RUNX1T1: variants seen among roughly 807,000 people sequenced by gnomAD.
RUNX1T1 encodes the protein RUNX1 partner transcriptional co-repressor 1, also known as protein CBFA2T1.
RUNX1T1 carries 4 observed loss-of-function variants against 62.8 expected under a neutral mutation model. The ratio of observed to expected loss-of-function variants is 0.06; its 90% confidence interval spans 0.03 to 0.15. The LOEUF is 0.15. RUNX1T1 is among the 10% of genes least tolerant of loss of function. The pLI, the probability that RUNX1T1 is intolerant of heterozygous loss-of-function variation, is 1.00. For synonymous variants in RUNX1T1, 291 were observed against 286.0 expected (o/e 1.02, Z -0.18); for missense variants, 508 against 754.3 (o/e 0.67, Z 3.82).
intron 1 of RUNX1T1, among the ~76,000 whole-genome samples, chr8:92,041,843 T>C (rs1184305411): frequency 3.3e-5 from 5 of 150,124 alleles, no homozygotes; most frequent in Non-Finnish European, 5.9e-5. Context: ...TTAATTGAGA[T>C]AGTCTCTCTC....
chr8:91,966,362 A>G (rs1811618814), intron 10 of RUNX1T1, among the ~76,000 whole-genome samples: 1 of 152,064 alleles, frequency 6.6e-6, no homozygotes, highest in South Asian at 2.1e-4. Flanking sequence ...TGAGGTTGGT[A>G]TAACTGTGCA....
At chr8:92,062,819 G>A in exon 1 of RUNX1T1, 1 of 1,444,758 alleles carries the variant, frequency 6.9e-7, no homozygotes, top group Non-Finnish European at 9.1e-7. Context: ...GTCTCTTTAG[G>A]CAGAACAATG....
chr8:91,959,220 G>C (rs1291445091), exon 11 of RUNX1T1: 2 of 218,012 alleles, frequency 9.2e-6, no homozygotes, highest in Non-Finnish European at 1.9e-5. Context: ...AAAAATTTTG[G>C]AAAGGGGCTG....
chr8:92,076,579 T>C (rs1834457246), intron 1 of RUNX1T1, among the ~76,000 whole-genome samples: 1 of 152,128 alleles, frequency 6.6e-6, no homozygotes, highest in Non-Finnish European at 1.5e-5. Flanking sequence ...AAGTGGTTTG[T>C]TTCATTATTC....
At chr8:92,054,147 G>T (rs912352702) in intron 1 of RUNX1T1, among the ~76,000 whole-genome samples, 1 of 151,446 alleles carries the variant, frequency 6.6e-6, no homozygotes, top group Non-Finnish European at 1.5e-5. Context: ...AAAAAGACAG[G>T]CTTTTCAGGC....
intron 2 of RUNX1T1, among the ~76,000 whole-genome samples, chr8:92,074,385 C>T (rs1187323974): frequency 6.6e-6 from 1 of 152,168 alleles, no homozygotes; most frequent in African/African-American, 2.4e-5. Flanking sequence ...GATAGTAACT[C>T]TATGTATCTG....
intron 8 of RUNX1T1, among the ~76,000 whole-genome samples, chr8:91,977,876 C>T (rs1294201783): frequency 6.6e-6 from 1 of 152,116 alleles, no homozygotes; most frequent in East Asian, 1.9e-4. Context: ...GCAACCTGTG[C>T]CTCCCAGGTC....
At chr8:92,008,368 T>G (rs940520046) in intron 4 of RUNX1T1, among the ~76,000 whole-genome samples, 2 of 59,060 alleles carry the variant, frequency 3.4e-5, no homozygotes, top group African/African-American at 1.5e-4. Context: ...GTGCCACATA[T>G]CTCTCTCTCT....
At chr8:91,970,043 T>TGTGTGTGTGTGTGTGTGTTG (rs11374252) in intron 10 of RUNX1T1, among the ~76,000 whole-genome samples, 2 of 142,716 alleles carry the variant, frequency 1.4e-5, no homozygotes, top group African/African-American at 5.3e-5. Context: ...TGTGTGTGTG[T>TGTGTGTGTGTGTGTGTGTTG]TGTGTGTGTG....
chr8:91,995,432 G>C (rs1818477398), intron 5 of RUNX1T1, among the ~76,000 whole-genome samples: 1 of 152,096 alleles, frequency 6.6e-6, no homozygotes, highest in African/African-American at 2.4e-5. Context: ...CACCCTGCTA[G>C]CTACTGAAAT....
chr8:92,035,122 C>T (rs1827165789), intron 1 of RUNX1T1, among the ~76,000 whole-genome samples: 2 of 151,896 alleles, frequency 1.3e-5, no homozygotes, highest in Admixed American at 6.6e-5. Context: ...TGGTGAAACG[C>T]CGTCTCTACT....
At chr8:91,975,871 G>A in intron 9 of RUNX1T1, 34 bp downstream of exon 10, 1 of 1,450,754 alleles carries the variant, frequency 6.9e-7, no homozygotes, top group Non-Finnish European at 9.7e-7. Context: ...ACAGCTGCCA[G>A]AACACGAAAC....
At chr8:92,007,338 G>A (rs533365715) in intron 4 of RUNX1T1, among the ~76,000 whole-genome samples, 2 of 151,884 alleles carry the variant, frequency 1.3e-5, no homozygotes, top group East Asian at 1.9e-4. Flanking sequence ...GTGGTGGCAC[G>A]CACCTGTAAT....
intron 1 of RUNX1T1, among the ~76,000 whole-genome samples, chr8:92,054,802 T>A (rs2130459566): frequency 6.6e-6 from 1 of 152,218 alleles, no homozygotes; most frequent in Middle Eastern, 3.4e-3. Context: ...GAGACCATCC[T>A]GGCCAACATG....
At chr8:92,101,988 G>T (rs1467472731), upstream of RUNX1T1, among the ~76,000 whole-genome samples, 1 of 152,230 alleles carries the variant, frequency 6.6e-6, no homozygotes, top group East Asian at 1.9e-4. Flanking sequence ...TTATCCGGAC[G>T]TGGCTCCAAG....
intron 8 of RUNX1T1, among the ~76,000 whole-genome samples, chr8:91,985,451 T>C (rs1035060530): frequency 3.3e-5 from 5 of 152,134 alleles, no homozygotes; most frequent in Admixed American, 3.3e-4. Context: ...ACAACTATAT[T>C]ATGAGTCCTA....
intron 2 of RUNX1T1, 144 bp downstream of exon 3, chr8:92,017,082 A>T: frequency 1.6e-6 from 1 of 638,042 alleles, no homozygotes; most frequent in Non-Finnish European, 2.8e-6. Context: ...GTACCTACTT[A>T]CTGGCAAACA....
At chr8:92,087,989 A>C (rs1483062842) in intron 1 of RUNX1T1, among the ~76,000 whole-genome samples, 5 of 152,242 alleles carry the variant, frequency 3.3e-5, no homozygotes, top group Admixed American at 2.0e-4. Context: ...TTTAAACAAA[A>C]GGATGAGAAT....
chr8:91,986,655 CT>C (rs1816627710), intron 7 of RUNX1T1, among the ~76,000 whole-genome samples: 1 of 152,192 alleles, frequency 6.6e-6, no homozygotes, highest in East Asian at 1.9e-4. Flanking sequence ...GCCCACCGAT[CT>C]GGCTTTGAGA....
Sources: allele counts gnomAD v4.1 joint callset (sites outside exome capture counted in the v4.1 genomes callset), GRCh38; gene constraint gnomAD v4.1.1; transcripts MANE v1.5; gene names NCBI Gene and HGNC (gene_info 2026-07-23, HGNC 2026-07-21).